Variants in STK32B observed in about 807,000 individuals in gnomAD.
STK32B encodes the protein serine/threonine kinase 32B, also known as serine/threonine-protein kinase 32B.
A neutral mutation model predicts 52.6 loss-of-function variants in STK32B; 43 were observed. That is an observed-to-expected ratio of 0.82 (90% CI 0.64 to 1.05). The LOEUF is 1.05. STK32B is among the 50% of genes least tolerant of loss of function. STK32B has a pLI of 0.00. For synonymous variants in STK32B, 238 were observed against 204.3 expected (o/e 1.17, Z -1.41); for missense variants, 621 against 534.6 (o/e 1.16, Z -1.59).
rs550815027 is a variant in STK32B at position 5,396,383 on chromosome 4, G to A, written c.435-1824G>A. ...TCCTATAAAGACATGAGTCTTTAGAGTCCTCCCTAAATCCAGGATGATTCA... is the reference window on the plus strand; with the variant it reads ...TCCTATAAAGACATGAGTCTTTAGAATCCTCCCTAAATCCAGGATGATTCA... On this transcript the variant is annotated intron_variant, in intron 4 of 11. Coordinates refer to ENST00000282908, the MANE Select transcript of STK32B (RefSeq NM_018401.3). This position sits in a 1 kb window ranked among gnomAD's most constrained non-coding sequence, Gnocchi z 4.7. Among the ~76,000 whole-genome samples, 1 of 152,176 alleles carries A rather than the reference G, an allele frequency of 6.6e-6. No homozygotes were observed. Among genetic ancestry groups the A allele is most frequent in the African/African-American group, 2.4e-5 (1 of 41,516 alleles).
At chr4:5,249,304 A>G (rs561391130) in intron 3 of STK32B, among the ~76,000 whole-genome samples, 4 of 152,300 alleles carry the variant, frequency 2.6e-5, no homozygotes, top group African/African-American at 9.6e-5. Context: ...CAGAGAAGTT[A>G]ATTTTATTAA....
At chr4:5,266,940 T>A (rs1164247363) in intron 3 of STK32B, among the ~76,000 whole-genome samples, 1 of 152,116 alleles carries the variant, frequency 6.6e-6, no homozygotes, top group African/African-American at 2.4e-5. Context: ...TCATATACTT[T>A]AAAATATATT....
At chr4:5,028,029 G>C in the STK32B span, among the ~76,000 whole-genome samples, 3 of 152,220 alleles carry the variant, frequency 2.0e-5, no homozygotes, top group Non-Finnish European at 4.4e-5. Flanking sequence ...AGTTCCTTCA[G>C]CTTGAGCTGA....
At chr4:5,204,039 T>A (rs899808749) in intron 3 of STK32B, 4 of 152,260 alleles carry the variant, frequency 2.6e-5, no homozygotes, top group African/African-American at 9.7e-5. Context: ...TGAGGCTGGG[T>A]CTTGCTTGAC....
intron 4 of STK32B, among the ~76,000 whole-genome samples, chr4:5,343,601 A>G (rs1427058232): frequency 6.6e-6 from 1 of 152,224 alleles, no homozygotes; most frequent in Non-Finnish European, 1.5e-5. Flanking sequence ...TTTAAATGTT[A>G]GACCTAAAAC....
chr4:5,053,815 C>CTAATTTTG (rs61493821), intron 1 of STK32B, among the ~76,000 whole-genome samples: 50,283 of 151,428 alleles, frequency 0.33, 8,505 homozygotes, highest in South Asian at 0.41. Flanking sequence ...CCCGACTCTA[C>CTAATTTTG]TAAAAATACA....
chr4:5,178,402 A>G (rs1720092108), intron 3 of STK32B, among the ~76,000 whole-genome samples: 1 of 152,124 alleles, frequency 6.6e-6, no homozygotes, highest in Admixed American at 6.5e-5. Flanking sequence ...TTTCCCCCAT[A>G]GGCCTCTGGG....
In STK32B at chr4:5,381,147, G is replaced by A. The variant is rs139027453; in HGVS notation, c.435-17060G>A. ...AGTAGTGCCTGGCACACAGTAAGCT[G>A]TGAAAATGTGATAGAATGAATGGAA... On this transcript the variant is annotated intron_variant, in intron 4 of 11. Coordinates refer to ENST00000282908, the MANE Select transcript of STK32B (RefSeq NM_018401.3). Among the ~76,000 whole-genome samples the A allele has an allele frequency of 1.4e-4, 22 of 152,352 alleles. No homozygotes were observed. The East Asian group carries it at 4.0e-3, about 28-fold the overall frequency.
chr4:5,475,603 C>T (rs1413325435), intron 11 of STK32B, among the ~76,000 whole-genome samples: 1 of 150,502 alleles, frequency 6.6e-6, no homozygotes, highest in Non-Finnish European at 1.5e-5. Flanking sequence ...GAGGCTGAGG[C>T]AGGAGAATTG....
intron 8 of STK32B, chr4:5,458,948 T>G (rs1219687071): frequency 1.3e-5 from 2 of 152,230 alleles, no homozygotes; most frequent in Non-Finnish European, 2.9e-5. Context: ...TGTGGAAGCC[T>G]TACATACCAC....
chr4:5,409,342 G>A (rs565708386), intron 5 of STK32B, among the ~76,000 whole-genome samples: 1 of 152,276 alleles, frequency 6.6e-6, no homozygotes, highest in African/African-American at 2.4e-5. Context: ...ATTGCAAGGA[G>A]TAGATCATAG....
rs1737120209 is a variant in STK32B, at chr4:5,399,150, A to T, written c.472+906A>T. ...AGGAGACTTACAGCCTTCAAAACTA[A>T]ATTCACTGGCATTGCTTCAGGGGCC... On this transcript the variant is annotated intron_variant, in intron 5 of 11. Coordinates refer to ENST00000282908, the MANE Select transcript of STK32B (RefSeq NM_018401.3). This position sits in a 1 kb window ranked among gnomAD's most constrained non-coding sequence, Gnocchi z 5.4. 6.6e-6 allele frequency among the ~76,000 whole-genome samples: 1 copy of T among 152,156 alleles called. No individual in the cohort carries two copies. The highest frequency in any genetic ancestry group is 2.4e-5 in the African/African-American group (1 of 41,422).
intron 6 of STK32B, among the ~76,000 whole-genome samples, chr4:5,440,816 G>C (rs982860398): frequency 1.8e-3 from 278 of 152,044 alleles, no homozygotes; most frequent in Admixed American, 2.9e-3. Context: ...TAGCATGAAG[G>C]GTTGTTGAAT....
intron 2 of STK32B, among the ~76,000 whole-genome samples, chr4:5,142,108 G>A (rs1716511788): frequency 6.6e-6 from 1 of 152,208 alleles, no homozygotes; most frequent in South Asian, 2.1e-4. Flanking sequence ...GGTGGGCACA[G>A]AAAAGTGCCC....
chr4:5,105,043 C>T (rs1031815811), intron 1 of STK32B, among the ~76,000 whole-genome samples: 5 of 152,220 alleles, frequency 3.3e-5, no homozygotes, highest in South Asian at 2.1e-4. Context: ...TACATTTTCA[C>T]TTGCGACGTA....
intron 3 of STK32B, among the ~76,000 whole-genome samples, chr4:5,225,244 C>T (rs938102034): frequency 1.3e-5 from 2 of 151,890 alleles, no homozygotes; most frequent in African/African-American, 4.8e-5. Context: ...CTTGGCAAAA[C>T]CCCATCTCTA....
chr4:5,117,769 A>T (rs769594845), intron 1 of STK32B, among the ~76,000 whole-genome samples: 2 of 152,172 alleles, frequency 1.3e-5, no homozygotes, highest in Non-Finnish European at 2.9e-5. Flanking sequence ...AATCAAATAC[A>T]CTAGTTTTTT....
chr4:5,256,052 T>G lies in STK32B; in HGVS notation c.261-75168T>G, dbSNP rs143416414. Among the ~76,000 whole-genome samples the G allele has an allele frequency of 5.3e-4, 81 of 152,318 alleles. 1 individual carries two copies. The East Asian group carries it at 0.015, about 29-fold the overall frequency. On this transcript the variant is annotated intron_variant, in intron 3 of 11. Coordinates refer to ENST00000282908, the MANE Select transcript of STK32B (RefSeq NM_018401.3). ...AATCTAAATGGTTACTTTGGTTGTCTAATACTCTGAGATTAGAAGAAGGAA... is the reference window on the plus strand; with the variant it reads ...AATCTAAATGGTTACTTTGGTTGTCGAATACTCTGAGATTAGAAGAAGGAA...
At chr4:5,134,959 A>G (rs1206093446) in intron 1 of STK32B, among the ~76,000 whole-genome samples, 4 of 152,376 alleles carry the variant, frequency 2.6e-5, no homozygotes, top group East Asian at 1.9e-4. Flanking sequence ...AAAGCGTGCT[A>G]TGAAATTCAT....
Sources: allele counts gnomAD v4.1 joint callset (sites outside exome capture counted in the v4.1 genomes callset), GRCh38; gene constraint gnomAD v4.1.1; non-coding constraint Gnocchi (gnomAD v3.1); transcripts MANE v1.5; gene names NCBI Gene and HGNC (gene_info 2026-07-23, HGNC 2026-07-21).